The following TBC1D4 variants were observed in gnomAD, a reference collection of about 807,000 sequenced individuals.
TBC1D4 encodes TBC (Tre-2, BUB2, CDC16) domain-containing protein.
Under a neutral mutation model 142.5 loss-of-function variants are expected in TBC1D4, and 121 were observed. That is an observed-to-expected ratio of 0.85 (90% CI 0.73 to 0.99). The LOEUF (loss-of-function observed/expected upper bound fraction) is 0.99. Among genes scored for constraint, TBC1D4 ranks in the 50% least tolerant of loss-of-function variants. The probability of loss-of-function intolerance (pLI) is 0.00; values close to 1 mark genes in which losing one functional copy is unlikely to be tolerated. For synonymous variants in TBC1D4, 630 were observed against 628.2 expected (o/e 1.00, Z -0.04); for missense variants, 1,475 against 1,606.6 (o/e 0.92, Z 1.40).
intron 1 of TBC1D4, 79 bp downstream of exon 1, chr13:75,481,190 TG>T: frequency 6.9e-7 from 1 of 1,453,628 alleles, no homozygotes; most frequent in Non-Finnish European, 9.2e-7. Context: ...GTCCTTAAAG[TG>T]GGGTCCCCGC....
intron 15 of TBC1D4, 44 bp downstream of exon 15, chr13:75,306,269 G>C: frequency 6.6e-7 from 1 of 1,520,140 alleles, no homozygotes; most frequent in Non-Finnish European, 8.9e-7. Context: ...AATCCCCCAG[G>C]CTTTTCTTTA....
At chr13:75,356,378 G>C (rs187760894) in intron 3 of TBC1D4, 127 bp from the exon 4 acceptor site, 15 of 740,216 alleles carry the variant, frequency 2.0e-5, no homozygotes, top group Admixed American at 2.0e-4. Context: ...AGCAATGAAG[G>C]GGGGACATAA....
At chr13:75,448,301 C>T (rs1272711788) in intron 1 of TBC1D4, among the ~76,000 whole-genome samples, 1 of 152,058 alleles carries the variant, frequency 6.6e-6, no homozygotes, top group Non-Finnish European at 1.5e-5. Flanking sequence ...AAATTTGTTT[C>T]CCATGTTTTA....
intron 1 of TBC1D4, among the ~76,000 whole-genome samples, chr13:75,393,416 C>T (rs1238524416): frequency 1.3e-5 from 2 of 152,104 alleles, no homozygotes; most frequent in Admixed American, 6.6e-5. Flanking sequence ...TGCCAGGCTC[C>T]GCTCCAAACA....
At chr13:75,422,669 T>C (rs536975723) in intron 1 of TBC1D4, among the ~76,000 whole-genome samples, 3 of 152,292 alleles carry the variant, frequency 2.0e-5, no homozygotes, top group South Asian at 4.1e-4. Context: ...AGTAAGACTA[T>C]GGAAAGGATA....
At chr13:75,437,453 T>A (rs182544921) in intron 1 of TBC1D4, among the ~76,000 whole-genome samples, 189 of 152,350 alleles carry the variant, frequency 1.2e-3, no homozygotes, top group Non-Finnish European at 5.7e-4. Context: ...TAAGAGTTTT[T>A]GTATTATTCT....
chr13:75,289,231 T>C (rs1396540386), intron 19 of TBC1D4, 121 bp from the exon 20 acceptor site: 5 of 1,186,648 alleles, frequency 4.2e-6, no homozygotes, highest in African/African-American at 1.6e-5. Flanking sequence ...CATTAAAGCA[T>C]AAAAAAGCAA....
chr13:75,399,946 A>T (rs537326961), intron 1 of TBC1D4, among the ~76,000 whole-genome samples: 124 of 152,152 alleles, frequency 8.1e-4, no homozygotes, highest in African/African-American at 2.9e-3. Flanking sequence ...TTGGGGAGAG[A>T]CCAAAAGGAG....
At chr13:75,299,237 C>A (rs1876259733) in intron 17 of TBC1D4, 93 bp downstream of exon 17, 1 of 1,593,400 alleles carries the variant, frequency 6.3e-7, no homozygotes, top group Admixed American at 1.7e-5. Flanking sequence ...AATGGCTCTA[C>A]ATTTCTTTAA....
intron 1 of TBC1D4, among the ~76,000 whole-genome samples, chr13:75,444,163 C>T (rs527727842): frequency 7.2e-5 from 11 of 152,196 alleles, no homozygotes; most frequent in African/African-American, 1.4e-4. Context: ...TGTTCTGTTG[C>T]GAAAGCGGAG....
At chr13:75,457,048 T>C (rs139870428) in intron 1 of TBC1D4, among the ~76,000 whole-genome samples, 2 of 152,022 alleles carry the variant, frequency 1.3e-5, no homozygotes, top group African/African-American at 2.4e-5. Context: ...TACTGTATGA[T>C]TCTATTTATA....
chr13:75,351,938 A>G (rs996255631), intron 4 of TBC1D4, among the ~76,000 whole-genome samples: 2 of 152,220 alleles, frequency 1.3e-5, no homozygotes, highest in African/African-American at 4.8e-5. Context: ...CATATTTGTT[A>G]GATTTTAAGC....
At chr13:75,377,986 G>A (rs1883617431) in intron 1 of TBC1D4, among the ~76,000 whole-genome samples, 1 of 151,756 alleles carries the variant, frequency 6.6e-6, no homozygotes, top group African/African-American at 2.4e-5. Context: ...CATGATTTGG[G>A]GGTTTCATAC....
intron 12 of TBC1D4, among the ~76,000 whole-genome samples, chr13:75,316,860 G>C (rs1185527538): frequency 2.0e-5 from 3 of 152,012 alleles, no homozygotes; most frequent in Non-Finnish European, 4.4e-5. Context: ...ATTAAACTTA[G>C]GTAAGAAAGC....
At position 75,285,922 on chromosome 13, in the gene TBC1D4, C is replaced by G. The variant is rs1874625668; in HGVS notation, c.*870G>C. ...CACCAAATAAAGAGGAATTCATTCACAACTGAATGAGTTATTCAAATAAAA... is the reference window on the plus strand; with the variant it reads ...CACCAAATAAAGAGGAATTCATTCAGAACTGAATGAGTTATTCAAATAAAA... On this transcript the variant is annotated 3_prime_UTR_variant, in exon 21 of 21. Transcript: ENST00000377636. 3 of 152,590 alleles carry G rather than the reference C, an allele frequency of 2.0e-5. No homozygotes were observed. The South Asian group carries it at 6.2e-4, about 32-fold the overall frequency. 9.5% of individuals were successfully genotyped at this position (152,590 alleles called of 1,614,324 possible).
At chr13:75,311,996 T>G (rs932148116) in intron 13 of TBC1D4, among the ~76,000 whole-genome samples, 1 of 152,232 alleles carries the variant, frequency 6.6e-6, no homozygotes, top group African/African-American at 2.4e-5. Context: ...ACAGGAGCTA[T>G]TAATTTATCG....
At chr13:75,287,776 C>A (rs1874849835) in intron 20 of TBC1D4, among the ~76,000 whole-genome samples, 1 of 152,168 alleles carries the variant, frequency 6.6e-6, no homozygotes, top group Admixed American at 6.5e-5. Flanking sequence ...TCATTTCTAA[C>A]CTGTCTCTCT....
intron 1 of TBC1D4, among the ~76,000 whole-genome samples, chr13:75,389,265 A>G (rs536986046): frequency 2.0e-5 from 3 of 152,242 alleles, no homozygotes; most frequent in Non-Finnish European, 2.9e-5. Flanking sequence ...CATTCTACAG[A>G]CTGATCATGT....
chr13:75,444,396 G>A (rs1315788854), intron 1 of TBC1D4, among the ~76,000 whole-genome samples: 4 of 152,014 alleles, frequency 2.6e-5, no homozygotes, highest in East Asian at 1.9e-4. Context: ...CAAAGGGCTG[G>A]GACTACAGGC....
Sources: allele counts gnomAD v4.1 joint callset (sites outside exome capture counted in the v4.1 genomes callset), GRCh38; gene constraint gnomAD v4.1.1; transcripts MANE v1.5; gene names NCBI Gene and HGNC (gene_info 2026-07-23, HGNC 2026-07-21).